The following PAPOLA variants were observed in gnomAD, a reference collection of about 807,000 sequenced individuals.
The protein encoded by PAPOLA is polynucleotide adenylyltransferase alpha.
PAPOLA carries 15 observed loss-of-function variants against 100.6 expected under a neutral mutation model. The observed-to-expected ratio is 0.15, with a 90% CI of 0.10 to 0.23. PAPOLA has a LOEUF of 0.23. Ranked by LOEUF, PAPOLA falls within the 10% of genes least tolerant of loss-of-function variation. The pLI is 1.00. For synonymous variants in PAPOLA, 293 were observed against 300.0 expected (o/e 0.98, Z 0.24); for missense variants, 533 against 884.2 (o/e 0.60, Z 5.04).
chr14:96,547,691 G>A, intron 15 of PAPOLA, 106 bp from the exon 16 acceptor site: 3 of 786,098 alleles, frequency 3.8e-6, no homozygotes, highest in Non-Finnish European at 6.0e-6. Context: ...CAGATATGCA[G>A]TATTGATGGA....
intron 13 of PAPOLA, 52 bp downstream of exon 13, chr14:96,542,348 A>G (rs544160592): frequency 1.1e-4 from 117 of 1,077,036 alleles, no homozygotes; most frequent in Non-Finnish European, 1.5e-4. Context: ...AATGAATCAC[A>G]TAGCCACTGA....
At chr14:96,558,332 T>G (rs563685691) in intron 19 of PAPOLA, among the ~76,000 whole-genome samples, 4 of 152,212 alleles carry the variant, frequency 2.6e-5, no homozygotes, top group Non-Finnish European at 5.9e-5. Flanking sequence ...CTACTGATAC[T>G]GGTTTGAAGT....
At chr14:96,528,147 G>A (rs1404490127) in intron 6 of PAPOLA, 141 bp downstream of exon 6, 4 of 592,724 alleles carry the variant, frequency 6.7e-6, no homozygotes, top group Admixed American at 2.4e-5. Flanking sequence ...AAATGGAAGT[G>A]ACTGCCTATT....
At position 96,502,465 on chromosome 14, in the gene PAPOLA, G is replaced by C. The variant is rs1179450977; in HGVS notation, c.-128G>C. On this transcript the variant is annotated 5_prime_UTR_variant, in exon 1 of 22. Transcript: ENST00000216277. ...GCGCTTAAAGCGGCGGGAGCGGTGC[G>C]GGAGAGGGGTTGGACCCAGGGCTGA... The C allele has an allele frequency of 6.8e-6, 5 of 736,722 alleles. No homozygotes were observed. In the East Asian group the frequency reaches 1.1e-4, roughly 16 times the overall value. 45.6% of individuals were successfully genotyped at this position (736,722 alleles called of 1,614,324 possible).
chr14:96,535,011 T>C, intron 10 of PAPOLA: 1 of 976,736 alleles, frequency 1.0e-6, no homozygotes, highest in Non-Finnish European at 1.2e-6. Flanking sequence ...ATTACCATGA[T>C]GTAATTGTAA....
Position 96,565,918 on chromosome 14 carries a change from G to A in PAPOLA, c.*868G>A, listed in dbSNP as rs563569710. The A allele has an allele frequency of 1.0e-5, 4 of 398,222 alleles. No homozygotes were observed. The highest frequency in any genetic ancestry group is 2.1e-5 in the African/African-American group (1 of 48,530). 24.7% of individuals were successfully genotyped at this position (398,222 alleles called of 1,614,324 possible). The stretch of plus-strand genomic sequence containing the variant: ...GTATGCACAAGGTAGGACTTACTTC[G>A]TAAGAAACAAAATGCCAGTATTTTC... On this transcript the variant is annotated 3_prime_UTR_variant, in exon 22 of 22. Coordinates refer to ENST00000216277, the MANE Select transcript of PAPOLA (RefSeq NM_032632.5).
intron 1 of PAPOLA, chr14:96,504,265 TTAAG>T (rs1896555010): frequency 6.6e-6 from 1 of 152,240 alleles, no homozygotes; most frequent in African/African-American, 2.4e-5. Context: ...AGAAATAACA[TTAAG>T]TAATTTGTGT....
chr14:96,548,696 TA>T (rs1414824179), intron 16 of PAPOLA, among the ~76,000 whole-genome samples: 1 of 152,138 alleles, frequency 6.6e-6, no homozygotes, highest in Non-Finnish European at 1.5e-5. Context: ...TTTACAAGTT[TA>T]AAAACCTAAA....
At position 96,518,824 on chromosome 14, in the gene PAPOLA, A is replaced by G. The variant is rs192377084; in HGVS notation, c.9-1231A>G. On this transcript the variant is annotated intron_variant, in intron 1 of 21. Transcript: ENST00000216277. ...GTAATCCCAGCACTTTGGGAGGCCA[A>G]AGGGAGCGGATCACTTGAGCTCAGG... Among the ~76,000 whole-genome samples, 348 of 152,094 alleles carry G rather than the reference A, an allele frequency of 2.3e-3. 1 individual carries two copies. In the Middle Eastern group the frequency reaches 0.027, roughly 12 times the overall value.
chr14:96,528,375 G>A (rs1898678777), intron 6 of PAPOLA, among the ~76,000 whole-genome samples: 2 of 152,198 alleles, frequency 1.3e-5, no homozygotes, highest in South Asian at 4.1e-4. Flanking sequence ...TAAAAATTGG[G>A]AGAAAAGTGT....
chr14:96,517,774 G>A (rs769259548), intron 1 of PAPOLA, among the ~76,000 whole-genome samples: 13 of 149,680 alleles, frequency 8.7e-5, no homozygotes, highest in Admixed American at 6.7e-5. Flanking sequence ...CACGATCTTG[G>A]CTTACCGCAA....
intron 6 of PAPOLA, among the ~76,000 whole-genome samples, chr14:96,530,996 T>TA (rs1168911298): frequency 6.6e-6 from 1 of 151,726 alleles, no homozygotes; most frequent in Non-Finnish European, 1.5e-5. Context: ...TACACCTGGC[T>TA]AATTTTTTTG....
chr14:96,505,403 C>T (rs1222304001), intron 1 of PAPOLA, among the ~76,000 whole-genome samples: 1 of 152,120 alleles, frequency 6.6e-6, no homozygotes, highest in African/African-American at 2.4e-5. Flanking sequence ...TTCTGCCCTA[C>T]TCTGTGTTGG....
In PAPOLA at chr14:96,552,028, A is replaced by G. The variant is rs548805167; in HGVS notation, c.1522-452A>G. On this transcript the variant is annotated intron_variant, in intron 16 of 21. Transcript: ENST00000216277. ...CTTTTTGAAATTAAAAAAATTTTAT[A>G]TTTATTGTAGGATAATTAGAAATCT... Among the ~76,000 whole-genome samples, 13 of 152,252 alleles carry G rather than the reference A, an allele frequency of 8.5e-5. No homozygotes were observed. The South Asian group carries it at 2.7e-3, about 32-fold the overall frequency.
chr14:96,507,555 G>T (rs573788037), intron 1 of PAPOLA, among the ~76,000 whole-genome samples: 1 of 152,082 alleles, frequency 6.6e-6, no homozygotes, highest in African/African-American at 2.4e-5. Flanking sequence ...GATTACAGGC[G>T]TGAGCCACCG....
rs1208331502 is a variant in PAPOLA, at chr14:96,515,342, G to A, written c.9-4713G>A. 2.0e-5 allele frequency among the ~76,000 whole-genome samples: 3 copies of A among 152,048 alleles called. No homozygotes were observed. In the East Asian group the frequency reaches 5.8e-4, roughly 29 times the overall value. On this transcript the variant is annotated intron_variant, in intron 1 of 21. Transcript: ENST00000216277. ...AGGAGTGTTTGGCTGTCTTTTTGTGGTTTTGAGAGGGGGCAGAATTCATAT... is the reference window on the plus strand; with the variant it reads ...AGGAGTGTTTGGCTGTCTTTTTGTGATTTTGAGAGGGGGCAGAATTCATAT...
chr14:96,513,911 G>A (rs189690692), intron 1 of PAPOLA, among the ~76,000 whole-genome samples: 72 of 152,148 alleles, frequency 4.7e-4, no homozygotes, highest in East Asian at 4.2e-3. Flanking sequence ...TGGCTTTTGC[G>A]TTCCGTGTCT....
intron 3 of PAPOLA, among the ~76,000 whole-genome samples, chr14:96,524,294 A>G (rs1478268844): frequency 6.6e-6 from 1 of 152,160 alleles, no homozygotes; most frequent in East Asian, 1.9e-4. Flanking sequence ...ACTTTACACT[A>G]GTGCCAGGGC....
intron 1 of PAPOLA, among the ~76,000 whole-genome samples, chr14:96,519,782 G>T (rs1897788848): frequency 6.6e-6 from 1 of 152,188 alleles, no homozygotes; most frequent in Non-Finnish European, 1.5e-5. Flanking sequence ...TTTCTCAGAA[G>T]TTTACTATAT....
Sources: allele counts gnomAD v4.1 joint callset (sites outside exome capture counted in the v4.1 genomes callset), GRCh38; gene constraint gnomAD v4.1.1; transcripts MANE v1.5; gene names NCBI Gene and HGNC (gene_info 2026-07-23, HGNC 2026-07-21).